PKD1L1: variants seen among roughly 807,000 people sequenced by gnomAD.
PKD1L1 encodes the protein polycystin-1-like protein 1.
PKD1L1 carries 236 observed loss-of-function variants against 323.4 expected under a neutral mutation model. The observed-to-expected ratio is 0.73, with a 90% CI of 0.66 to 0.81. The LOEUF (loss-of-function observed/expected upper bound fraction) is 0.81, where lower values mean the gene tolerates loss of function less well. Ranked by LOEUF, PKD1L1 falls within the 40% of genes least tolerant of loss-of-function variation. PKD1L1 has a pLI of 0.00. For synonymous variants in PKD1L1, 1,344 were observed against 1,335.0 expected (o/e 1.01, Z -0.15); for missense variants, 3,320 against 3,508.0 (o/e 0.95, Z 1.35).
Position 47,813,830 on chromosome 7 carries a change from A to G in PKD1L1, c.7173+101T>C, listed in dbSNP as rs146132049. 1.1e-3 allele frequency: 1,136 copies of G among 1,005,314 alleles called. 13 individuals carry two copies. The African/African-American group carries it at 0.016, about 14-fold the overall frequency. The allele number at this position is 1,005,314 out of a possible 1,614,324, so 62.3% of individuals were successfully genotyped here. ...GACAATTCCAATTACCACTGAACTC[A>G]CAGAGAAGTTCAAATGATCTGCCAG... On this transcript the variant is annotated intron_variant, in intron 48 of 56. Transcript: ENST00000289672.
rs1440085797 is a variant in PKD1L1, at chr7:47,813,974, G to T, written c.7130C>A (p.Ser2377Tyr). 6.2e-7 allele frequency: 1 copy of T among 1,613,940 alleles called. No individual in the cohort carries two copies. The highest frequency in any genetic ancestry group is 8.5e-7 in the Non-Finnish European group (1 of 1,180,028). ...LGGKCYLIGS[S>Y]VIRQLKVFPR... ...AAAAACTTTTAGCTGCCTAATTACG[G>T]AACTGCCTATTAGGTAGCATTTTCC... The change falls in exon 48 of 57, where the codon TCC becomes TAC. Residue 2377 changes from serine to tyrosine, a missense_variant. Physicochemically the swap from Ser to Tyr is moderately radical, Grantham distance 144. Coordinates refer to ENST00000289672, the MANE Select transcript of PKD1L1 (RefSeq NM_138295.5).
intron 7 of PKD1L1, among the ~76,000 whole-genome samples, chr7:47,916,616 T>A (rs10234823): frequency 0.12 from 18,146 of 152,138 alleles, 3,665 homozygotes; most frequent in African/African-American, 0.42. Flanking sequence ...GCTGGTATAC[T>A]TGGCTGAGAG....
intron 13 of PKD1L1, among the ~76,000 whole-genome samples, chr7:47,899,826 GA>G (rs751372840): frequency 1.3e-5 from 2 of 152,046 alleles, no homozygotes; most frequent in Non-Finnish European, 2.9e-5. Context: ...TGTGGTGGCG[GA>G]CGCCTGTAGT....
At chr7:47,955,726 T>C in the PKD1L1 span, among the ~76,000 whole-genome samples, 1 of 152,230 alleles carries the variant, frequency 6.6e-6, no homozygotes, top group East Asian at 1.9e-4. Context: ...TTCCTATAAG[T>C]ATTGAGTCAA....
At chr7:47,793,099 G>A (rs532126151) in intron 55 of PKD1L1, among the ~76,000 whole-genome samples, 2 of 143,806 alleles carry the variant, frequency 1.4e-5, no homozygotes, top group African/African-American at 4.9e-5. Flanking sequence ...TGCTGCTATG[G>A]GAAAATAAGG....
At chr7:47,894,834 G>C (rs1266308144) in intron 14 of PKD1L1, among the ~76,000 whole-genome samples, 1 of 149,486 alleles carries the variant, frequency 6.7e-6, no homozygotes, top group Non-Finnish European at 1.5e-5. Context: ...CTCCAGCCTG[G>C]GCAACAGAGT....
intron 50 of PKD1L1, among the ~76,000 whole-genome samples, chr7:47,811,255 G>T (rs1584959438): frequency 6.6e-6 from 1 of 150,828 alleles, no homozygotes; most frequent in East Asian, 2.0e-4. Context: ...CCAGGTTCAA[G>T]AAATTCTCCC....
chr7:47,898,889 T>A (rs1189165998), intron 13 of PKD1L1, among the ~76,000 whole-genome samples: 5 of 151,402 alleles, frequency 3.3e-5, no homozygotes, highest in African/African-American at 9.8e-5. Context: ...TGCACAAAAG[T>A]TCTTTTGCTA....
intron 54 of PKD1L1, 105 bp downstream of exon 54, chr7:47,800,524 GGATTCATTACCATGAGATCT>G: frequency 1.0e-6 from 1 of 970,012 alleles, no homozygotes; most frequent in Non-Finnish European, 1.6e-6. Context: ...TGGACGGCAG[GGATTCATTACCATGAGATCT>G]GGCCTGTGTT....
At chr7:47,802,972 G>T (rs899388095) in intron 53 of PKD1L1, among the ~76,000 whole-genome samples, 11 of 152,222 alleles carry the variant, frequency 7.2e-5, no homozygotes, top group African/African-American at 2.7e-4. Flanking sequence ...ACATGCTGTT[G>T]TAAGGTATAG....
At chr7:47,853,500 T>G (rs1785826470) in intron 30 of PKD1L1, among the ~76,000 whole-genome samples, 1 of 152,102 alleles carries the variant, frequency 6.6e-6, no homozygotes, top group Non-Finnish European at 1.5e-5. Context: ...CCCAGCACTT[T>G]GGGAGGCCGA....
chr7:47,872,975 C>A (rs1358870616), intron 24 of PKD1L1, among the ~76,000 whole-genome samples: 1 of 152,114 alleles, frequency 6.6e-6, no homozygotes. Flanking sequence ...AAATATTATT[C>A]AGCAACAAAA....
rs191220205 is a variant in PKD1L1 at position 47,777,048 on chromosome 7, C to T, written c.8527-1882G>A. Among the ~76,000 whole-genome samples the T allele has an allele frequency of 5.6e-3, 850 of 152,238 alleles. 2 individuals are homozygous for T. Among genetic ancestry groups the T allele is most frequent in the South Asian group, 0.012 (60 of 4,822 alleles). ...CTGGGATTACAAGCATGCGCCACCA[C>T]ATTCAACTAATTTTTGTATTTTTAG... On this transcript the variant is annotated intron_variant, in intron 56 of 56. Transcript: ENST00000289672.
At chr7:47,891,527 CTGATAT>C (rs1377083849) in intron 15 of PKD1L1, among the ~76,000 whole-genome samples, 1 of 152,200 alleles carries the variant, frequency 6.6e-6, no homozygotes, top group Non-Finnish European at 1.5e-5. Flanking sequence ...TAAATGTGAA[CTGATAT>C]TGATCTTTTA....
At chr7:47,933,261 C>A (rs1299565089) in intron 4 of PKD1L1, among the ~76,000 whole-genome samples, 1 of 152,150 alleles carries the variant, frequency 6.6e-6, no homozygotes, top group Non-Finnish European at 1.5e-5. Context: ...CCTTATAGTT[C>A]AACAATGTAT....
intron 41 of PKD1L1, 136 bp downstream of exon 41, chr7:47,832,954 A>C (rs1202611681): frequency 1.6e-6 from 2 of 1,212,872 alleles, no homozygotes; most frequent in Non-Finnish European, 2.2e-6. Context: ...GGGTGGGCCC[A>C]TGCCTGGTTT....
At chr7:47,863,567 G>A (rs1273031426) in intron 26 of PKD1L1, among the ~76,000 whole-genome samples, 1 of 152,150 alleles carries the variant, frequency 6.6e-6, no homozygotes. Flanking sequence ...CTAGAGAAGA[G>A]CGTGTCCCCC....
chr7:47,923,748 T>G (rs1426464157), intron 7 of PKD1L1, among the ~76,000 whole-genome samples: 1 of 152,060 alleles, frequency 6.6e-6, no homozygotes, highest in Non-Finnish European at 1.5e-5. Context: ...AATACTATGT[T>G]AGAAAACTGA....
intron 14 of PKD1L1, 86 bp from the exon 15 acceptor site, chr7:47,894,145 A>G: frequency 1.5e-6 from 2 of 1,312,758 alleles, no homozygotes; most frequent in Non-Finnish European, 2.1e-6. Flanking sequence ...AAAATTAGAA[A>G]GGAAGCCGAC....
Sources: allele counts gnomAD v4.1 joint callset (sites outside exome capture counted in the v4.1 genomes callset), GRCh38; gene constraint gnomAD v4.1.1; transcripts MANE v1.5; gene names NCBI Gene and HGNC (gene_info 2026-07-23, HGNC 2026-07-21).